The following TENM2 variants were observed in gnomAD, a reference collection of about 807,000 sequenced individuals.
TENM2 encodes the protein teneurin transmembrane protein 2, also known as teneurin-2.
A neutral mutation model predicts 245.2 loss-of-function variants in TENM2; 52 were observed. That is an observed-to-expected ratio of 0.21 (90% CI 0.17 to 0.27). The LOEUF is 0.27. Ranked by LOEUF, TENM2 falls within the 10% of genes least tolerant of loss-of-function variation. TENM2 has a pLI of 1.00. For synonymous variants in TENM2, 1,363 were observed against 1,438.9 expected, an observed-to-expected ratio of 0.95 and a Z score of 1.19; for missense variants, 3,046 against 3,666.8, an observed-to-expected ratio of 0.83 and a Z score of 4.37.
In TENM2 at chr5:167,329,551, CAAAAAAAAA is replaced by C. The variant is rs34165505; in HGVS notation, c.226+44509_226+44517del. ...TGTGTGACAGGGCCAGACTCAGTCT[CAAAAAAAAA>C]AAAAAAAAAAAAAAAAAAAAGAGGT... is the stretch of plus-strand genomic sequence containing the variant. On this transcript the variant is annotated intron_variant, in intron 1 of 28. Coordinates refer to ENST00000518659, the Ensembl canonical transcript of TENM2. Among the ~76,000 whole-genome samples, 29 of 21,946 alleles carry C rather than the reference CAAAAAAAAA, an allele frequency of 1.3e-3. 1 individual carries two copies. The highest frequency in any genetic ancestry group is 1.1e-3 in the African/African-American group (6 of 5,572). 14.4% of individuals were successfully genotyped at this position (21,946 alleles called of 152,430 possible).
intron 2 of TENM2, among the ~76,000 whole-genome samples, chr5:167,398,393 T>A (rs113951579): frequency 2.8e-5 from 1 of 35,626 alleles, no homozygotes; most frequent in Admixed American, 2.3e-4. Flanking sequence ...TTTCTTTCTT[T>A]CTTTCTTTCT....
the TENM2 span, among the ~76,000 whole-genome samples, chr5:167,106,967 A>G: frequency 9.2e-5 from 14 of 151,954 alleles, no homozygotes; most frequent in African/African-American, 3.4e-4. Context: ...ATAAAGAGCC[A>G]GGCGCGGTGG....
At chr5:167,884,615 A>C (rs1774139004) in intron 3 of TENM2, among the ~76,000 whole-genome samples, 1 of 152,116 alleles carries the variant, frequency 6.6e-6, no homozygotes, top group Admixed American at 6.5e-5. Context: ...AAAACTATTC[A>C]ATTTTCCTTA....
At chr5:167,081,853 C>T in the TENM2 span, among the ~76,000 whole-genome samples, 3 of 152,180 alleles carry the variant, frequency 2.0e-5, no homozygotes, top group Non-Finnish European at 4.4e-5. Context: ...TTCCTACTTA[C>T]TGAGTCCTCA....
intron 1 of TENM2, among the ~76,000 whole-genome samples, chr5:167,359,868 A>G (rs1408360322): frequency 1.3e-5 from 2 of 152,230 alleles, no homozygotes; most frequent in African/African-American, 4.8e-5. Flanking sequence ...AGCCCTTTGC[A>G]GGATCATGGA....
chr5:168,237,652 A>T (rs1765628850), intron 25 of TENM2, among the ~76,000 whole-genome samples: 1 of 152,090 alleles, frequency 6.6e-6, no homozygotes, highest in Non-Finnish European at 1.5e-5. Context: ...AGTCATCCAA[A>T]CATAATGTTT....
At chr5:167,363,730 C>CAAA (rs10659741) in intron 1 of TENM2, among the ~76,000 whole-genome samples, 2,202 of 89,232 alleles carry the variant, frequency 0.025, 153 homozygotes, top group African/African-American at 0.078. Context: ...GACTCCATCT[C>CAAA]AAAAAAAAAA....
the TENM2 span, among the ~76,000 whole-genome samples, chr5:167,035,404 G>A: frequency 1.3e-5 from 2 of 152,324 alleles, no homozygotes; most frequent in South Asian, 2.1e-4. Context: ...CCACTCTGAA[G>A]AACATGTTTT....
At chr5:168,093,560 G>A (rs1365004332) in intron 8 of TENM2, among the ~76,000 whole-genome samples, 1 of 152,108 alleles carries the variant, frequency 6.6e-6, no homozygotes, top group Non-Finnish European at 1.5e-5. Flanking sequence ...GCCTACCAGC[G>A]ATCACACTAA....
At chr5:167,253,361 G>C in the TENM2 span, among the ~76,000 whole-genome samples, 1 of 150,978 alleles carries the variant, frequency 6.6e-6, no homozygotes, top group Non-Finnish European at 1.5e-5. Context: ...GCCTCCCAAA[G>C]TGCTGGGATT....
chr5:167,177,263 A>T, the TENM2 span, among the ~76,000 whole-genome samples: 1 of 152,196 alleles, frequency 6.6e-6, no homozygotes, highest in Non-Finnish European at 1.5e-5. Context: ...TATTTGAGGC[A>T]TGTATACATA....
At chr5:167,249,998 C>T in the TENM2 span, among the ~76,000 whole-genome samples, 1 of 152,024 alleles carries the variant, frequency 6.6e-6, no homozygotes, top group South Asian at 2.1e-4. Context: ...CCAGGAAGGC[C>T]ATACATGATG....
intron 9 of TENM2, among the ~76,000 whole-genome samples, chr5:168,111,067 A>C (rs938982484): frequency 1.3e-5 from 2 of 152,138 alleles, no homozygotes; most frequent in African/African-American, 4.8e-5. Flanking sequence ...TTTTAACCCG[A>C]TTTCCACTTA....
At chr5:168,186,539 A>G (rs11742154) in intron 13 of TENM2, 42,898 of 152,114 alleles carry the variant, frequency 0.28, 7,654 homozygotes, top group Non-Finnish European at 0.4. Context: ...GAGCCACCGC[A>G]GTGTGGGCTG....
intron 3 of TENM2, 198 bp from the exon 6 acceptor site, chr5:167,952,390 T>C (rs78641281): frequency 3.3e-6 from 2 of 600,046 alleles, no homozygotes; most frequent in East Asian, 5.5e-5. Context: ...TGCGTGTGGA[T>C]AAATGCAAAT....
At chr5:167,563,294 C>T (rs961441082) in intron 2 of TENM2, among the ~76,000 whole-genome samples, 5 of 152,184 alleles carry the variant, frequency 3.3e-5, no homozygotes, top group African/African-American at 1.2e-4. Context: ...CTTTTCTTCC[C>T]TTGGGTTCCT....
intron 2 of TENM2, among the ~76,000 whole-genome samples, chr5:167,486,607 C>T (rs989584508): frequency 3.9e-5 from 6 of 152,114 alleles, no homozygotes; most frequent in South Asian, 4.2e-4. Flanking sequence ...GGATTACAGG[C>T]GTTAGCCACC....
At chr5:167,475,662 C>T (rs755698101) in intron 2 of TENM2, among the ~76,000 whole-genome samples, 25 of 151,932 alleles carry the variant, frequency 1.6e-4, no homozygotes, top group Non-Finnish European at 2.9e-4. Flanking sequence ...CCCTGCCCCA[C>T]AACTGGCCCC....
intron 2 of TENM2, among the ~76,000 whole-genome samples, chr5:167,535,902 C>T (rs1582318659): frequency 6.6e-6 from 1 of 152,200 alleles, no homozygotes; most frequent in African/African-American, 2.4e-5. Context: ...TTCATAAACT[C>T]AACCTGCTTA....
Sources: gnomAD v4.1 joint callset for allele counts (sites outside exome capture counted in the v4.1 genomes callset) on GRCh38, gnomAD v4.1.1 for gene constraint, MANE v1.5 for transcripts, NCBI Gene and HGNC (gene_info 2026-07-23, HGNC 2026-07-21) for gene names.